OSMR: variants seen among roughly 807,000 people sequenced by gnomAD.
OSMR encodes the protein oncostatin M receptor, also known as oncostatin-M-specific receptor subunit beta.
OSMR carries 81 observed loss-of-function variants against 99.9 expected under a neutral mutation model. The observed-to-expected ratio is 0.81, with a 90% CI of 0.68 to 0.97. The LOEUF (loss-of-function observed/expected upper bound fraction) is 0.97. Ranked by LOEUF, OSMR falls within the 50% of genes least tolerant of loss-of-function variation. The probability of loss-of-function intolerance (pLI) is 0.00; values close to 1 mark genes in which losing one functional copy is unlikely to be tolerated. For synonymous variants in OSMR, 406 were observed against 410.4 expected (o/e 0.99, Z 0.13); for missense variants, 1,099 against 1,153.4 (o/e 0.95, Z 0.68).
chr5:38,892,690 C>T (rs763220623), intron 7 of OSMR, among the ~76,000 whole-genome samples: 1 of 152,184 alleles, frequency 6.6e-6, no homozygotes, highest in African/African-American at 2.4e-5. Flanking sequence ...TGCTGTGAAA[C>T]CACTCCCACA....
At chr5:38,913,870 G>C (rs1207413591) in intron 9 of OSMR, among the ~76,000 whole-genome samples, 1 of 152,184 alleles carries the variant, frequency 6.6e-6, no homozygotes, top group Non-Finnish European at 1.5e-5. Context: ...ACACAAAAAG[G>C]GGGAAGGTTA....
At chr5:38,923,316 C>A in intron 13 of OSMR, 62 bp downstream of exon 13, 1 of 1,090,588 alleles carries the variant, frequency 9.2e-7, no homozygotes, top group South Asian at 1.3e-5. Context: ...TCATAGATTC[C>A]TAGCTTTGGG....
intron 7 of OSMR, among the ~76,000 whole-genome samples, chr5:38,899,463 C>A (rs926044014): frequency 6.6e-6 from 1 of 152,168 alleles, no homozygotes; most frequent in South Asian, 2.1e-4. Context: ...ACAAAATCCC[C>A]TTTACTTTTC....
Position 38,930,920 on chromosome 5 carries a change from TTGTGTGTGTG to T in OSMR, c.2213-927_2213-918del, listed in dbSNP as rs55964556. On this transcript the variant is annotated intron_variant, in intron 15 of 17. Coordinates refer to ENST00000274276, the MANE Select transcript of OSMR (RefSeq NM_003999.3). ...GGGAAGATGCCCTTGCAGAAGCATT[TTGTGTGTGTG>T]TGTGTGTGTGTGTGTGTGTGTGTGT... Among the ~76,000 whole-genome samples the T allele has an allele frequency of 3.8e-3, 535 of 141,980 alleles. 3 individuals are homozygous for T. The highest frequency in any genetic ancestry group is 6.5e-3 in the South Asian group (28 of 4,280). 93.1% of individuals were successfully genotyped at this position (141,980 alleles called of 152,430 possible). A position where few individuals can be genotyped will look rare whatever the true frequency, so the allele number is the denominator to read the frequency against.
At chr5:38,865,334 A>G (rs931462104) in intron 1 of OSMR, among the ~76,000 whole-genome samples, 2 of 152,104 alleles carry the variant, frequency 1.3e-5, no homozygotes, top group African/African-American at 4.8e-5. Flanking sequence ...TTACATTGCT[A>G]TCTGAGCATC....
chr5:38,897,029 G>T (rs1744566807), intron 7 of OSMR, among the ~76,000 whole-genome samples: 1 of 151,880 alleles, frequency 6.6e-6, no homozygotes, highest in Non-Finnish European at 1.5e-5. Flanking sequence ...GATCTTTTTG[G>T]TGTGTTGTTG....
intron 8 of OSMR, 88 bp from the exon 9 acceptor site, chr5:38,904,265 G>T: frequency 1.3e-6 from 2 of 1,550,330 alleles, no homozygotes; most frequent in Non-Finnish European, 1.7e-6. Flanking sequence ...GCTGTGCTCT[G>T]GTTTGCCTTT....
In OSMR at chr5:38,853,586, A is replaced by G. The variant is rs144197266; in HGVS notation, c.-14+7199A>G. 2.1e-3 allele frequency among the ~76,000 whole-genome samples: 314 copies of G among 152,316 alleles called. 2 individuals are homozygous for G. Among genetic ancestry groups the G allele is most frequent in the African/African-American group, 7.3e-3 (303 of 41,560 alleles). Reference sequence around the variant, plus strand: ...TGGGGAATGATTTCTGTGATCTCAAAAGTGATTTAAAATATCACCTTTAGC... The same window carrying G: ...TGGGGAATGATTTCTGTGATCTCAAGAGTGATTTAAAATATCACCTTTAGC... On this transcript the variant is annotated intron_variant, in intron 1 of 17. Transcript: ENST00000274276.
At chr5:38,898,126 T>C (rs975374335) in intron 7 of OSMR, among the ~76,000 whole-genome samples, 5 of 152,332 alleles carry the variant, frequency 3.3e-5, no homozygotes, top group Non-Finnish European at 7.4e-5. Flanking sequence ...ATTTGTTCTA[T>C]AGTGCAGATT....
chr5:38,847,720 G>A (rs1016259145), intron 1 of OSMR, among the ~76,000 whole-genome samples: 1 of 152,174 alleles, frequency 6.6e-6, no homozygotes, highest in Non-Finnish European at 1.5e-5. Flanking sequence ...GTGGCAGGAA[G>A]CTCACCACCT....
chr5:38,917,630 G>T lies in OSMR; in HGVS notation c.1362+8G>T. ...GTGACCTTATTCTGGAAGGTAAGAT[G>T]TGCAGATTCCAAAAGTCTGATTGTT... is the stretch of plus-strand genomic sequence containing the variant. On this transcript the variant is annotated splice_region_variant and intron_variant, in intron 10 of 17. Coordinates refer to ENST00000274276, the MANE Select transcript of OSMR (RefSeq NM_003999.3). 6.2e-7 allele frequency: 1 copy of T among 1,605,932 alleles called. No individual in the cohort carries two copies. Among genetic ancestry groups the T allele is most frequent in the Non-Finnish European group, 8.5e-7 (1 of 1,172,710 alleles).
chr5:38,881,738 A>G lies in OSMR; in HGVS notation c.392A>G (p.Asn131Ser), dbSNP rs149778657. 4.2e-5 allele frequency: 67 copies of G among 1,614,104 alleles called. No individual in the cohort carries two copies. Among genetic ancestry groups the G allele is most frequent in the African/African-American group, 2.5e-4 (19 of 74,938 alleles). Residue 131 changes from asparagine to serine, a missense_variant, in exon 4 of 18, where the codon AAC becomes AGC. Coordinates refer to ENST00000274276, the MANE Select transcript of OSMR (RefSeq NM_003999.3). ...AKFPEPNFWSNWSSWEEVSVQ... is the reference protein window; with the variant it reads ...AKFPEPNFWSSWSSWEEVSVQ... ...TTCCCTGAGCCAAATTTCTGGAGCAACTGGAGTTCCTGGGAGGAAGTCAGT... is the reference window on the plus strand; with the variant it reads ...TTCCCTGAGCCAAATTTCTGGAGCAGCTGGAGTTCCTGGGAGGAAGTCAGT...
intron 1 of OSMR, among the ~76,000 whole-genome samples, chr5:38,861,530 A>G (rs1220135067): frequency 6.6e-6 from 1 of 152,196 alleles, no homozygotes; most frequent in Non-Finnish European, 1.5e-5. Context: ...TTCTACACAG[A>G]CACCGCAACC....
intron 9 of OSMR, among the ~76,000 whole-genome samples, chr5:38,909,866 C>T (rs922862721): frequency 3.9e-5 from 6 of 152,136 alleles, no homozygotes; most frequent in African/African-American, 1.4e-4. Context: ...GGATCAAATC[C>T]ACACATACCA....
chr5:38,925,518 C>G (rs1186331513), intron 15 of OSMR, 147 bp downstream of exon 15: 2 of 742,406 alleles, frequency 2.7e-6, no homozygotes, highest in Non-Finnish European at 4.9e-6. Context: ...TTGATGAAAC[C>G]CTTTTTGTCA....
At chr5:38,897,225 A>T (rs187876367) in intron 7 of OSMR, among the ~76,000 whole-genome samples, 1 of 152,012 alleles carries the variant, frequency 6.6e-6, no homozygotes, top group Admixed American at 6.5e-5. Flanking sequence ...AGTAGAATTG[A>T]TATTAGTTCT....
intron 11 of OSMR, among the ~76,000 whole-genome samples, chr5:38,920,631 C>G (rs1220754413): frequency 6.6e-6 from 1 of 152,230 alleles, no homozygotes; most frequent in East Asian, 1.9e-4. Flanking sequence ...TTTTGATGCC[C>G]TATAAAAATG....
intron 7 of OSMR, among the ~76,000 whole-genome samples, chr5:38,895,360 A>G (rs1744439112): frequency 6.6e-6 from 1 of 151,960 alleles, no homozygotes. Context: ...GCTAGACTGT[A>G]GTTTTGATTT....
chr5:38,901,014 GT>G (rs1410597206), intron 7 of OSMR, among the ~76,000 whole-genome samples: 1 of 152,206 alleles, frequency 6.6e-6, no homozygotes, highest in East Asian at 1.9e-4. Context: ...TCACTCAGTT[GT>G]TTTTCTTCTG....
Sources: allele counts gnomAD v4.1 joint callset (sites outside exome capture counted in the v4.1 genomes callset), GRCh38; gene constraint gnomAD v4.1.1; transcripts MANE v1.5; gene names NCBI Gene and HGNC (gene_info 2026-07-23, HGNC 2026-07-21).